The following PTPRD variants were observed in gnomAD, a reference collection of about 807,000 sequenced individuals.
PTPRD encodes the protein protein tyrosine phosphatase receptor type D.
PTPRD carries 34 observed loss-of-function variants against 214.5 expected under a neutral mutation model. The ratio of observed to expected loss-of-function variants is 0.16; its 90% confidence interval spans 0.12 to 0.21. The LOEUF (loss-of-function observed/expected upper bound fraction) is 0.21, where lower values mean the gene tolerates loss of function less well. PTPRD is among the 10% of genes least tolerant of loss of function. The pLI, the probability that PTPRD is intolerant of heterozygous loss-of-function variation, is 1.00. For synonymous variants in PTPRD, 1,128 were observed against 845.7 expected (o/e 1.33, Z -5.79); for missense variants, 2,545 against 2,398.7 (o/e 1.06, Z -1.27).
chr9:9,138,187 A>G (rs2099854013), intron 10 of PTPRD, among the ~76,000 whole-genome samples: 1 of 152,118 alleles, frequency 6.6e-6, no homozygotes, highest in Admixed American at 6.6e-5. Flanking sequence ...ACTTCCCAAA[A>G]TGTGACTCTT....
chr9:9,492,428 G>T (rs1400428248), intron 8 of PTPRD, among the ~76,000 whole-genome samples: 2 of 151,584 alleles, frequency 1.3e-5, no homozygotes, highest in Non-Finnish European at 2.9e-5. Flanking sequence ...ACCAAATCCA[G>T]CAGCATGTTA....
chr9:10,527,647 C>T (rs1323958578), intron 2 of PTPRD, among the ~76,000 whole-genome samples: 1 of 152,064 alleles, frequency 6.6e-6, no homozygotes, highest in Admixed American at 6.6e-5. Flanking sequence ...AGAATTTCCC[C>T]TAAAATTCAA....
chr9:8,904,960 G>T (rs1018702244), intron 11 of PTPRD, among the ~76,000 whole-genome samples: 3 of 152,138 alleles, frequency 2.0e-5, no homozygotes, highest in African/African-American at 7.2e-5. Context: ...AAAATTGGCC[G>T]AAGATGTAAA....
chr9:10,271,938 A>G (rs2094446357), intron 3 of PTPRD, among the ~76,000 whole-genome samples: 1 of 152,048 alleles, frequency 6.6e-6, no homozygotes. Flanking sequence ...TTTTCTAAGC[A>G]TTGTTCAGTA....
At chr9:9,931,432 G>T (rs577665311) in intron 5 of PTPRD, among the ~76,000 whole-genome samples, 48 of 152,308 alleles carry the variant, frequency 3.2e-4, no homozygotes, top group African/African-American at 1.1e-3. Context: ...AGGTGTCAGG[G>T]AGTTCCCTTT....
At chr9:8,646,085 C>A (rs1042416399) in intron 12 of PTPRD, among the ~76,000 whole-genome samples, 2 of 151,300 alleles carry the variant, frequency 1.3e-5, no homozygotes, top group Non-Finnish European at 2.9e-5. Flanking sequence ...ATGAAAGCTA[C>A]AGGTGCCTGA....
At chr9:8,467,474 C>A (rs1321725842) in intron 31 of PTPRD, among the ~76,000 whole-genome samples, 3 of 151,810 alleles carry the variant, frequency 2.0e-5, no homozygotes, top group Non-Finnish European at 2.9e-5. Context: ...CTCGTAATAA[C>A]CCTATAAGGA....
At chr9:9,815,052 G>A (rs559608171) in intron 5 of PTPRD, among the ~76,000 whole-genome samples, 2 of 151,872 alleles carry the variant, frequency 1.3e-5, no homozygotes, top group East Asian at 3.9e-4. Flanking sequence ...CAAACTACAA[G>A]TAATTTTGAG....
chr9:8,700,870 T>C (rs1197462003), intron 12 of PTPRD: 1 of 152,152 alleles, frequency 6.6e-6, no homozygotes, highest in African/African-American at 2.4e-5. Flanking sequence ...AAGCATAAAG[T>C]TTGGGAATTT....
chr9:10,516,496 C>T (rs1471614825), intron 2 of PTPRD, among the ~76,000 whole-genome samples: 2 of 151,850 alleles, frequency 1.3e-5, no homozygotes, highest in African/African-American at 2.4e-5. Flanking sequence ...ATATGGTTTG[C>T]AAATATTTTC....
chr9:10,568,670 G>T (rs1156755566), intron 2 of PTPRD, among the ~76,000 whole-genome samples: 3 of 152,124 alleles, frequency 2.0e-5, no homozygotes, highest in Non-Finnish European at 4.4e-5. Context: ...AAGAAATGGG[G>T]AAAGGATTCC....
chr9:10,014,906 C>T (rs1421355163), intron 4 of PTPRD, among the ~76,000 whole-genome samples: 2 of 151,984 alleles, frequency 1.3e-5, no homozygotes, highest in Admixed American at 6.6e-5. Flanking sequence ...ATTTAAAAAC[C>T]GCTTCAGTTA....
intron 9 of PTPRD, among the ~76,000 whole-genome samples, chr9:9,256,284 A>G (rs1178180064): frequency 6.6e-6 from 1 of 152,078 alleles, no homozygotes; most frequent in Non-Finnish European, 1.5e-5. Flanking sequence ...GGTTGAAAAA[A>G]TGCTACTGCA....
chr9:8,697,705 G>A (rs1303183841), intron 12 of PTPRD, among the ~76,000 whole-genome samples: 2 of 152,076 alleles, frequency 1.3e-5, no homozygotes, highest in African/African-American at 2.4e-5. Context: ...TTACAGGCAT[G>A]AGCCACCACG....
At chr9:9,694,100 G>C (rs1578912) in intron 7 of PTPRD, among the ~76,000 whole-genome samples, 22 of 152,240 alleles carry the variant, frequency 1.4e-4, no homozygotes, top group Admixed American at 1.0e-3. Context: ...TTGGACCTTG[G>C]TGCCTTATTC....
chr9:8,836,993 T>C (rs1167823868), intron 11 of PTPRD, among the ~76,000 whole-genome samples: 1 of 147,684 alleles, frequency 6.8e-6, no homozygotes, highest in Non-Finnish European at 1.5e-5. Flanking sequence ...TGGGGAAGAG[T>C]CTAGATTACA....
intron 11 of PTPRD, among the ~76,000 whole-genome samples, chr9:8,941,173 T>A (rs899617272): frequency 1.3e-5 from 2 of 152,072 alleles, no homozygotes; most frequent in Non-Finnish European, 2.9e-5. Context: ...AAAATCAAGT[T>A]TAAAAAGTAA....
intron 14 of PTPRD, among the ~76,000 whole-genome samples, chr9:8,599,170 G>GT (rs2094656187): frequency 6.6e-6 from 1 of 152,108 alleles, no homozygotes; most frequent in South Asian, 2.1e-4. Context: ...ATTCCACCAT[G>GT]TAAAACATGA....
At chr9:9,604,189 T>A (rs13293049) in intron 7 of PTPRD, among the ~76,000 whole-genome samples, 1 of 152,074 alleles carries the variant, frequency 6.6e-6, no homozygotes, top group Non-Finnish European at 1.5e-5. Flanking sequence ...TCTAAATGCA[T>A]CTGGGCAATT....
Sources: allele counts gnomAD v4.1 joint callset (sites outside exome capture counted in the v4.1 genomes callset), GRCh38; gene constraint gnomAD v4.1.1; transcripts MANE v1.5; gene names NCBI Gene and HGNC (gene_info 2026-07-23, HGNC 2026-07-21).